Variants in PDIA5 observed in about 807,000 individuals in gnomAD.
PDIA5 encodes the protein protein disulfide isomerase family A member 5.
A neutral mutation model predicts 77.6 loss-of-function variants in PDIA5; 58 were observed. The observed-to-expected ratio is 0.75, with a 90% CI of 0.61 to 0.93. The LOEUF is 0.93. Ranked by LOEUF, PDIA5 falls within the 40% of genes least tolerant of loss-of-function variation. The pLI is 0.00. For synonymous variants in PDIA5, 250 were observed against 252.1 expected, an observed-to-expected ratio of 0.99 and a Z score of 0.08; for missense variants, 630 against 647.7, an observed-to-expected ratio of 0.97 and a Z score of 0.30.
intron 14 of PDIA5, among the ~76,000 whole-genome samples, chr3:123,152,849 T>C (rs1275725927): frequency 6.6e-6 from 1 of 152,198 alleles, no homozygotes; most frequent in African/African-American, 2.4e-5. Context: ...ACTGCCCTTC[T>C]CAGGCCAGCT....
At chr3:123,082,899 C>T (rs1934045834) in intron 1 of PDIA5, among the ~76,000 whole-genome samples, 1 of 152,086 alleles carries the variant, frequency 6.6e-6, no homozygotes, top group African/African-American at 2.4e-5. Context: ...CCTGGATTTC[C>T]CCCAGGTCTG....
intron 1 of PDIA5, chr3:123,067,483 TTGC>T: frequency 2.7e-6 from 1 of 371,484 alleles, no homozygotes; most frequent in Non-Finnish European, 4.8e-6. Context: ...GGCCACAACT[TTGC>T]GGGGATGCAG....
At chr3:123,160,002 A>G (rs1009448633) in intron 15 of PDIA5, among the ~76,000 whole-genome samples, 3 of 152,234 alleles carry the variant, frequency 2.0e-5, no homozygotes, top group Non-Finnish European at 4.4e-5. Context: ...AAATTATCTT[A>G]TTGAATCACC....
rs773994540 is a variant in PDIA5 at position 123,146,170 on chromosome 3, G to A, written c.1053G>A (p.Glu351=). Residue 351 remains glutamate (E), a synonymous_variant, in exon 13 of 17, where the codon GAG becomes GAA. Transcript: ENST00000316218. ...KALAERFHIS[E]FPTLKYFKNG... is the part of the protein sequence containing the mutation. ...TGGCAGAAAGATTCCACATCTCAGA[G>A]TTTCCTACGTTGAAGTATTTTAAGA... 1.1e-5 allele frequency: 18 copies of A among 1,613,930 alleles called. No individual in the cohort carries two copies. Among genetic ancestry groups the A allele is most frequent in the South Asian group, 6.6e-5 (6 of 91,080 alleles).
chr3:123,137,903 C>G (rs1352854245), intron 11 of PDIA5, among the ~76,000 whole-genome samples: 1 of 152,026 alleles, frequency 6.6e-6, no homozygotes, highest in African/African-American at 2.4e-5. Flanking sequence ...TTTTTAATTT[C>G]TTTCTTTAAT....
chr3:123,102,288 T>G (rs1934621189), intron 3 of PDIA5, 123 bp from the exon 4 acceptor site: 5 of 722,654 alleles, frequency 6.9e-6, no homozygotes, highest in Non-Finnish European at 1.3e-5. Context: ...TAGTAAGGCC[T>G]TCATCTGCTA....
At chr3:123,106,627 C>T in intron 5 of PDIA5, 122 bp from the exon 6 acceptor site, 1 of 710,358 alleles carries the variant, frequency 1.4e-6, no homozygotes, top group Non-Finnish European at 2.5e-6. Context: ...CACATGCAGT[C>T]CTGAGCTCAG....
intron 1 of PDIA5, among the ~76,000 whole-genome samples, chr3:123,087,755 T>C (rs1934179445): frequency 6.6e-6 from 1 of 152,234 alleles, no homozygotes; most frequent in African/African-American, 2.4e-5. Context: ...AGCAAGGCAC[T>C]AGCACATTGA....
chr3:123,102,359 C>T, intron 3 of PDIA5, 52 bp from the exon 4 acceptor site: 1 of 1,442,020 alleles, frequency 6.9e-7, no homozygotes, highest in Non-Finnish European at 9.8e-7. Flanking sequence ...GCTGTCAACA[C>T]CTTTGTGAGG....
chr3:123,137,338 G>C (rs1385905936), intron 11 of PDIA5, among the ~76,000 whole-genome samples: 3 of 152,118 alleles, frequency 2.0e-5, no homozygotes, highest in Non-Finnish European at 2.9e-5. Context: ...CATACACTTT[G>C]CTCATTTTTC....
intron 11 of PDIA5, among the ~76,000 whole-genome samples, chr3:123,133,992 T>C (rs28485348): frequency 0.61 from 82,197 of 134,860 alleles, 23,125 homozygotes; most frequent in Non-Finnish European, 0.67. Context: ...CTTTTCCTTT[T>C]CTTTTCTTTT....
chr3:123,110,855 C>T, intron 6 of PDIA5, 89 bp from the exon 7 acceptor site: 1 of 1,061,466 alleles, frequency 9.4e-7, no homozygotes, highest in Non-Finnish European at 1.5e-6. Flanking sequence ...CTACCCTTCA[C>T]CCTGCTGTAT....
At chr3:123,070,668 G>A (rs939433572) in intron 1 of PDIA5, among the ~76,000 whole-genome samples, 1 of 152,162 alleles carries the variant, frequency 6.6e-6, no homozygotes, top group African/African-American at 2.4e-5. Flanking sequence ...TCCCTGCCGA[G>A]CCATGCTGCC....
chr3:123,078,177 G>T (rs949556701), intron 1 of PDIA5, among the ~76,000 whole-genome samples: 1 of 152,132 alleles, frequency 6.6e-6, no homozygotes, highest in African/African-American at 2.4e-5. Context: ...TATGTGTTGC[G>T]TGCCAAGTAC....
chr3:123,118,370 G>A (rs1210850346), intron 8 of PDIA5, among the ~76,000 whole-genome samples: 1 of 152,172 alleles, frequency 6.6e-6, no homozygotes, highest in African/African-American at 2.4e-5. Flanking sequence ...GCCTGCACCC[G>A]CATACACTTA....
chr3:123,097,282 C>G (rs1274049339), intron 3 of PDIA5, among the ~76,000 whole-genome samples: 4 of 152,140 alleles, frequency 2.6e-5, no homozygotes, highest in African/African-American at 9.7e-5. Context: ...CACCACCATG[C>G]ACTTGTTGGA....
chr3:123,135,745 C>CTTTTTTT (rs766560888), intron 11 of PDIA5, among the ~76,000 whole-genome samples: 3 of 80,466 alleles, frequency 3.7e-5, no homozygotes, highest in South Asian at 5.8e-4. Flanking sequence ...GAGGTAACAA[C>CTTTTTTT]TTTTTTTTTT....
chr3:123,150,456 G>T, intron 14 of PDIA5, 92 bp downstream of exon 14: 3 of 1,266,144 alleles, frequency 2.4e-6, no homozygotes, highest in Non-Finnish European at 3.3e-6. Flanking sequence ...CAGGGACCAA[G>T]GCAGCCGCTG....
intron 16 of PDIA5, 194 bp from the exon 17 acceptor site, chr3:123,161,686 G>A: frequency 1.5e-6 from 1 of 649,700 alleles, no homozygotes. Flanking sequence ...GACTCCAGAT[G>A]CCGAGGGTTT....
Sources: allele counts gnomAD v4.1 joint callset (sites outside exome capture counted in the v4.1 genomes callset), GRCh38; gene constraint gnomAD v4.1.1; transcripts MANE v1.5; gene names NCBI Gene and HGNC (gene_info 2026-07-23, HGNC 2026-07-21).